WWC1: variants seen among roughly 807,000 people sequenced by gnomAD.
WWC1 encodes the protein protein KIBRA.
WWC1 carries 55 observed loss-of-function variants against 138.4 expected under a neutral mutation model. The observed-to-expected ratio is 0.40, with a 90% CI of 0.32 to 0.50. The LOEUF (loss-of-function observed/expected upper bound fraction) is 0.50, where lower values mean the gene tolerates loss of function less well. Ranked by LOEUF, WWC1 falls within the 20% of genes least tolerant of loss-of-function variation. The pLI is 0.72. For synonymous variants in WWC1, 524 were observed against 564.9 expected, an observed-to-expected ratio of 0.93 and a Z score of 1.03; for missense variants, 1,226 against 1,420.4, an observed-to-expected ratio of 0.86 and a Z score of 2.20.
chr5:168,452,877 G>A (rs1755957780), intron 17 of WWC1, among the ~76,000 whole-genome samples: 1 of 152,064 alleles, frequency 6.6e-6, no homozygotes, highest in African/African-American at 2.4e-5. Context: ...AAAGGCAGGT[G>A]AACAGATCTA....
At chr5:168,309,579 C>T (rs1210348194) in intron 1 of WWC1, among the ~76,000 whole-genome samples, 1 of 152,138 alleles carries the variant, frequency 6.6e-6, no homozygotes, top group Non-Finnish European at 1.5e-5. Context: ...CAAGTTCTGC[C>T]ACCCTTTCTT....
chr5:168,429,151 T>C (rs890777587), intron 13 of WWC1, among the ~76,000 whole-genome samples: 4 of 152,174 alleles, frequency 2.6e-5, no homozygotes, highest in African/African-American at 9.7e-5. Context: ...CTAGGTTTCA[T>C]TGATCTGGAT....
In WWC1 at chr5:168,292,198, C is replaced by T. The variant is rs1277011355; in HGVS notation, c.46C>T (p.Arg16Cys). 5 of 1,557,684 alleles carry T rather than the reference C, an allele frequency of 3.2e-6. No individual in the cohort carries two copies. The highest frequency in any genetic ancestry group is 2.7e-5 in the African/African-American group (2 of 73,228). The change falls in exon 1 of 23, where the codon CGC (arginine) becomes TGC (cysteine). Residue 16 changes from arginine to cysteine, a missense_variant. Arg to Cys is a radical substitution (Grantham distance 180, BLOSUM62 -3). Transcript: ENST00000265293. This position sits in a 1 kb window ranked among gnomAD's most constrained non-coding sequence, Gnocchi z 4.4. ...CCTGCCGGAGGGCTGGGAGGAGGCGCGCGACTTCGACGGCAAGGTCTACTA... is the reference window on the plus strand; with the variant it reads ...CCTGCCGGAGGGCTGGGAGGAGGCGTGCGACTTCGACGGCAAGGTCTACTA... ...LPLPEGWEEA[R>C]DFDGKVYYID...
rs1188709360 is a variant in WWC1, at chr5:168,451,981, C to T, written c.2526-1987C>T. Among the ~76,000 whole-genome samples, 3 of 147,796 alleles carry T rather than the reference C, an allele frequency of 2.0e-5. No individual in the cohort carries two copies. The Admixed American group carries it at 2.0e-4, about 10-fold the overall frequency. ...AGTGCAGTGGCACTCTCTCGACTCA[C>T]TGCAAGCTCCACCTCTTGGGTTCAA... On this transcript the variant is annotated intron_variant, in intron 17 of 22. Transcript: ENST00000265293.
At chr5:168,327,317 A>G (rs905326543) in intron 1 of WWC1, among the ~76,000 whole-genome samples, 1 of 151,860 alleles carries the variant, frequency 6.6e-6, no homozygotes, top group Admixed American at 6.6e-5. Context: ...TGTGATATGT[A>G]TTTTGTATTG....
intron 15 of WWC1, among the ~76,000 whole-genome samples, chr5:168,439,854 G>A (rs958069785): frequency 2.0e-5 from 3 of 152,166 alleles, no homozygotes; most frequent in African/African-American, 7.2e-5. Context: ...CACGAGCAAG[G>A]TGAGAGAGGG....
At chr5:168,384,044 GTTAT>G (rs1777851574) in intron 2 of WWC1, among the ~76,000 whole-genome samples, 1 of 152,024 alleles carries the variant, frequency 6.6e-6, no homozygotes, top group Admixed American at 6.6e-5. Context: ...TTGATAGATA[GTTAT>G]TTATTCGGTT....
chr5:168,312,225 A>T (rs1363420030), intron 1 of WWC1, among the ~76,000 whole-genome samples: 2 of 152,340 alleles, frequency 1.3e-5, no homozygotes, highest in South Asian at 2.1e-4. Context: ...TCAAAAAAAA[A>T]AAAAGGAACA....
At chr5:168,342,821 A>G (rs1774149935) in intron 1 of WWC1, among the ~76,000 whole-genome samples, 1 of 152,226 alleles carries the variant, frequency 6.6e-6, no homozygotes, top group Non-Finnish European at 1.5e-5. Context: ...AGTGCTGCAG[A>G]GAACAGACCC....
intron 16 of WWC1, 144 bp downstream of exon 16, chr5:168,441,978 G>C: frequency 8.1e-7 from 1 of 1,241,846 alleles, no homozygotes; most frequent in Non-Finnish European, 1.1e-6. Flanking sequence ...GACAGGGAAG[G>C]AGAGATCTCC....
At chr5:168,457,547 G>A (rs1412095949) in intron 19 of WWC1, among the ~76,000 whole-genome samples, 1 of 152,140 alleles carries the variant, frequency 6.6e-6, no homozygotes, top group Non-Finnish European at 1.5e-5. Flanking sequence ...AATGGACAGT[G>A]AGCAGTATAT....
chr5:168,410,246 G>A lies in WWC1; in HGVS notation c.941+251G>A, dbSNP rs78957976. 6.3e-3 allele frequency: 2,704 copies of A among 432,264 alleles called. 71 individuals are homozygous for A. The highest frequency in any genetic ancestry group is 0.048 in the African/African-American group (2,475 of 51,318). 26.8% of individuals were successfully genotyped at this position (432,264 alleles called of 1,614,324 possible). A position where few individuals can be genotyped will look rare whatever the true frequency, so the allele number is the denominator to read the frequency against. ...CCCAGATCTGTTTAACCTCAAAGCCGAGTTATCTTCCCACTTGCCTGTCTT... is the reference window on the plus strand; with the variant it reads ...CCCAGATCTGTTTAACCTCAAAGCCAAGTTATCTTCCCACTTGCCTGTCTT... On this transcript the variant is annotated intron_variant, in intron 8 of 22. Transcript: ENST00000265293.
rs1391120823 is a variant in WWC1 at position 168,371,435 on chromosome 5, C to T, written c.131C>T (p.Pro44Leu). The T allele has an allele frequency of 6.2e-6, 10 of 1,613,770 alleles. No individual in the cohort carries two copies. The Admixed American group carries it at 8.3e-5, about 13-fold the overall frequency. The change falls in exon 2 of 23, where the codon CCG (proline) becomes CTG (leucine). Residue 44 changes from proline to leucine, a missense_variant. Around this residue, in one of 3 missense-constraint regions of WWC1, gnomAD observed 1,016 missense variants for 1,153.9 expected, o/e 0.88. Transcript: ENST00000265293. Reference protein sequence around the residue: ...WIDPRDRYTKPLTFADCISDE... With the variant: ...WIDPRDRYTKLLTFADCISDE... ...CTCTCCCTTGCCAGGTACACCAAAC[C>T]GCTCACCTTTGCTGACTGCATTAGT...
chr5:168,470,891 GCCCA>G lies in WWC1; in HGVS notation c.*1878_*1881del, dbSNP rs2152900506. 6.6e-6 allele frequency: 1 copy of G among 152,174 alleles called. No individual in the cohort carries two copies. The highest frequency in any genetic ancestry group is 2.1e-4 in the South Asian group (1 of 4,820). 9.4% of individuals were successfully genotyped at this position (152,174 alleles called of 1,614,324 possible). On this transcript the variant is annotated 3_prime_UTR_variant, in exon 23 of 23. Transcript: ENST00000265293. Reference sequence around the variant, plus strand: ...CTCTCTAGACCCACTGAACTATCCCGCCCACCCTGGGACGGTCCCCAGTGCCAGT... The same window carrying G: ...CTCTCTAGACCCACTGAACTATCCCGCCCTGGGACGGTCCCCAGTGCCAGT...
intron 19 of WWC1, among the ~76,000 whole-genome samples, 183 bp from the exon 20 acceptor site, chr5:168,460,467 A>G (rs1399896981): frequency 6.6e-6 from 1 of 152,268 alleles, no homozygotes; most frequent in Non-Finnish European, 1.5e-5. Context: ...TGCATCATGC[A>G]TAGTACATGC....
chr5:168,431,369 C>T lies in WWC1; in HGVS notation c.2205C>T (p.Ser735=). Residue 735 remains serine (S), a synonymous_variant, in exon 15 of 23, where the codon TCC becomes TCT. Coordinates refer to ENST00000265293, the MANE Select transcript of WWC1 (RefSeq NM_015238.3). ...ATGAGGTGTTCTGGGTATCCATGTCCTATCCAGCCCTTCACCAGAAGACCT... is the reference window on the plus strand; with the variant it reads ...ATGAGGTGTTCTGGGTATCCATGTCTTATCCAGCCCTTCACCAGAAGACCT... ...VFNEVFWVSM[S]YPALHQKTLR... is the part of the protein sequence containing the mutation. The T allele has an allele frequency of 6.2e-7, 1 of 1,614,114 alleles. No homozygotes were observed. The highest frequency in any genetic ancestry group is 8.5e-7 in the Non-Finnish European group (1 of 1,180,022).
At chr5:168,319,276 T>C (rs1478661648) in intron 1 of WWC1, among the ~76,000 whole-genome samples, 3 of 152,038 alleles carry the variant, frequency 2.0e-5, no homozygotes, top group Non-Finnish European at 4.4e-5. Context: ...AAAAATTAGC[T>C]GGACGTGGTG....
rs3733979 is a variant in WWC1, at chr5:168,441,945, G to T, written c.2433+111G>T. The T allele has an allele frequency of 1.4e-3, 1,936 of 1,426,728 alleles. 1 individual carries two copies. The highest frequency in any genetic ancestry group is 1.7e-3 in the Non-Finnish European group (1,832 of 1,075,552). 88.4% of individuals were successfully genotyped at this position (1,426,728 alleles called of 1,614,324 possible). On this transcript the variant is annotated intron_variant, in intron 16 of 22. Coordinates refer to ENST00000265293, the MANE Select transcript of WWC1 (RefSeq NM_015238.3). ...CAGGCGTCATGAGAGGAGAACAATG[G>T]GGTGGAGGAAGTAGGAGAAGAAGAC...
intron 1 of WWC1, among the ~76,000 whole-genome samples, chr5:168,327,805 A>G (rs761250057): frequency 1.3e-5 from 2 of 152,240 alleles, no homozygotes; most frequent in African/African-American, 2.4e-5. Context: ...AAGGATATCA[A>G]ATGAGAATAT....
Sources: gnomAD v4.1 joint callset for allele counts (sites outside exome capture counted in the v4.1 genomes callset) on GRCh38, gnomAD v4.1.1 for gene constraint, gnomAD v4.1.1 regional missense constraint, Gnocchi (gnomAD v3.1) non-coding constraint, MANE v1.5 for transcripts, NCBI Gene and HGNC (gene_info 2026-07-23, HGNC 2026-07-21) for gene names.